Variants in LYPD5 observed in about 807,000 individuals in gnomAD.
LYPD5 encodes the protein ly6/PLAUR domain-containing protein 5.
LYPD5 carries 21 observed loss-of-function variants against 19.1 expected under a neutral mutation model. The ratio of observed to expected loss-of-function variants is 1.10; its 90% CI spans 0.78 to 1.58. The LOEUF (loss-of-function observed/expected upper bound fraction) is 1.58, where lower values mean the gene tolerates loss of function less well. Among genes scored for constraint, LYPD5 ranks in the 40% most tolerant of loss-of-function variants. The pLI, the probability that LYPD5 is intolerant of heterozygous loss-of-function variation, is 0.00. For missense variants in LYPD5, 287 were observed against 329.8 expected, an observed-to-expected ratio of 0.87 and a Z score of 1.00; for synonymous variants, 128 against 142.7, an observed-to-expected ratio of 0.90 and a Z score of 0.74.
intron 1 of LYPD5, chr19:43,815,717 T>G (rs1366814436): frequency 2.5e-6 from 1 of 406,858 alleles, no homozygotes; most frequent in Non-Finnish European, 4.8e-6. Flanking sequence ...CATCTATATA[T>G]ACCCATCTAT....
chr19:43,797,546 G>T lies in LYPD5; in HGVS notation c.*45C>A. On this transcript the variant is annotated 3_prime_UTR_variant, in exon 5 of 5. Transcript: ENST00000377950. ...TATGTGATAGGGGCTGAAGCAGCAA[G>T]AATGAGGTGTGTGAGCCCTGTCCCC... is the stretch of plus-strand genomic sequence containing the variant. 2 of 1,413,942 alleles carry T rather than the reference G, an allele frequency of 1.4e-6. No homozygotes were observed. Among genetic ancestry groups the T allele is most frequent in the Non-Finnish European group, 2.0e-6 (2 of 1,025,452 alleles). 87.6% of individuals were successfully genotyped at this position (1,413,942 alleles called of 1,614,324 possible).
At chr19:43,814,162 CATGTAT>C (rs1452943581) in intron 1 of LYPD5, among the ~76,000 whole-genome samples, 1 of 152,130 alleles carries the variant, frequency 6.6e-6, no homozygotes, top group African/African-American at 2.4e-5. Flanking sequence ...CCCAGGAGCC[CATGTAT>C]ATCTGCACAT....
chr19:43,811,657 G>A (rs2146504996), intron 1 of LYPD5, among the ~76,000 whole-genome samples: 1 of 150,582 alleles, frequency 6.6e-6, no homozygotes, highest in South Asian at 2.1e-4. Flanking sequence ...CTGCCCTCTA[G>A]CCTGGGTGAC....
chr19:43,814,988 A>G (rs1970358778), intron 1 of LYPD5, among the ~76,000 whole-genome samples: 1 of 152,250 alleles, frequency 6.6e-6, no homozygotes, highest in South Asian at 2.1e-4. Context: ...TGCATAATAA[A>G]TGGACTTACT....
upstream of LYPD5, among the ~76,000 whole-genome samples, chr19:43,802,628 T>C (rs1970238342): frequency 6.6e-6 from 1 of 152,074 alleles, no homozygotes; most frequent in South Asian, 2.1e-4. Context: ...TAATTTTGAA[T>C]GATTGGTGTC....
Position 43,796,186 on chromosome 19 carries a change from G to A in LYPD5, c.*1405C>T, listed in dbSNP as rs2146489520. 1 of 152,166 alleles carries A rather than the reference G, an allele frequency of 6.6e-6. No homozygotes were observed. The highest frequency in any genetic ancestry group is 1.9e-4 in the East Asian group (1 of 5,184). The allele number at this position is 152,166 out of a possible 1,614,324, so 9.4% of individuals were successfully genotyped here. A position where few individuals can be genotyped will look rare whatever the true frequency, so the allele number is the denominator to read the frequency against. ...CCCCACCTCCCAGTAATATCACTTT[G>A]GTAATTAGGTTTCAAAAGATGAATT... On this transcript the variant is annotated 3_prime_UTR_variant, in exon 5 of 5. Coordinates refer to ENST00000377950, the MANE Select transcript of LYPD5 (RefSeq NM_001031749.3).
At position 43,797,442 on chromosome 19, in the gene LYPD5, T is replaced by C; in HGVS notation, c.*149A>G. 1.4e-6 allele frequency: 1 copy of C among 700,626 alleles called. No homozygotes were observed. Among genetic ancestry groups the C allele is most frequent in the South Asian group, 1.9e-5 (1 of 54,022 alleles). The allele number at this position is 700,626 out of a possible 1,614,324, so 43.4% of individuals were successfully genotyped here. On this transcript the variant is annotated 3_prime_UTR_variant, in exon 5 of 5. Coordinates refer to ENST00000377950, the MANE Select transcript of LYPD5 (RefSeq NM_001031749.3). ...TCTTCCAGTACTGTTGGCCAGGTTG[T>C]GGGGCACAAGGGCGGGAGAGATGGA...
At chr19:43,798,697 G>T (rs1471860701) in intron 3 of LYPD5, 96 bp from the exon 4 acceptor site, 2 of 1,582,208 alleles carry the variant, frequency 1.3e-6, no homozygotes, top group Non-Finnish European at 1.7e-6. Flanking sequence ...AGCACGTCTC[G>T]GGGGTTGGGA....
intron 1 of LYPD5, among the ~76,000 whole-genome samples, chr19:43,813,266 T>C (rs187396970): frequency 3.1e-4 from 47 of 152,172 alleles, no homozygotes; most frequent in African/African-American, 8.9e-4. Context: ...CCCACAGTAA[T>C]GAGTTTATGC....
Position 43,798,854 on chromosome 19 carries a change from C to A in LYPD5, c.328G>T (p.Ala110Ser), listed in dbSNP as rs1238168566. 5 of 1,610,814 alleles carry A rather than the reference C, an allele frequency of 3.1e-6. No individual in the cohort carries two copies. Among genetic ancestry groups the A allele is most frequent in the South Asian group, 2.2e-5 (2 of 90,386 alleles). Residue 110 changes from alanine (A) to serine (S), a missense_variant, in exon 3 of 5, where the codon GCC (alanine) becomes TCC (serine). Physicochemically the swap from Ala to Ser is moderately conservative, Grantham distance 99. Transcript: ENST00000377950. ...AGGGCGTCATGAGTCATGAGGTGGG[C>A]GTTGCATTTGTCAGTTGTGCAGCCG... ...VRGCTTDKCN[A>S]HLMTHDALPN...
At chr19:43,801,483 A>G (rs2036264698) in intron 1 of LYPD5, among the ~76,000 whole-genome samples, 1 of 152,236 alleles carries the variant, frequency 6.6e-6, no homozygotes, top group South Asian at 2.1e-4. Context: ...CCTGGGCGAC[A>G]GAGCAAGACC....
chr19:43,804,357 G>T (rs1416024180), upstream of LYPD5, among the ~76,000 whole-genome samples: 1 of 151,094 alleles, frequency 6.6e-6, no homozygotes, highest in Non-Finnish European at 1.5e-5. Flanking sequence ...AACATTTGCA[G>T]ACTCAGGAAT....
chr19:43,807,276 C>CTTTTTTTTTTTTTTTT (rs1251451176), upstream of LYPD5, among the ~76,000 whole-genome samples: 3 of 144,092 alleles, frequency 2.1e-5, no homozygotes, highest in Non-Finnish European at 1.5e-5. Flanking sequence ...CTTTTCTTTT[C>CTTTTTTTTTTTTTTTT]TTTTCTTTTT....
At chr19:43,804,962 A>G (rs1970258812), upstream of LYPD5, among the ~76,000 whole-genome samples, 1 of 152,206 alleles carries the variant, frequency 6.6e-6, no homozygotes, top group South Asian at 2.1e-4. Context: ...TGATTCTGGT[A>G]TCATTCAGGT....
chr19:43,820,180 C>T (rs1193258855), intron 1 of LYPD5, among the ~76,000 whole-genome samples: 1 of 152,194 alleles, frequency 6.6e-6, no homozygotes, highest in Non-Finnish European at 1.5e-5. Context: ...GAGAAACACA[C>T]CTGCTGTGTC....
At chr19:43,808,539 A>T (rs939227873) in intron 1 of LYPD5, among the ~76,000 whole-genome samples, 5 of 152,228 alleles carry the variant, frequency 3.3e-5, no homozygotes, top group African/African-American at 1.2e-4. Flanking sequence ...AGAACATGTA[A>T]TTAAAGGGTT....
chr19:43,798,573 G>A lies in LYPD5; in HGVS notation c.399C>T (p.Ala133=). The change falls in exon 4 of 5, where the codon GCC becomes GCT. Residue 133 remains alanine, a synonymous_variant. Transcript: ENST00000377950. ...GGACCCCGATACAGGCGTAGCACTC[G>A]GCGCCGCTGAGCGTCGGCGGGTCGG... is the stretch of plus-strand genomic sequence containing the variant. ...QAPDPPTLSG[A]ECYACIGVHQ... is the part of the protein sequence containing the mutation. The A allele has an allele frequency of 6.2e-7, 1 of 1,611,240 alleles. No individual in the cohort carries two copies. Among genetic ancestry groups the A allele is most frequent in the Non-Finnish European group, 8.5e-7 (1 of 1,180,034 alleles).
upstream of LYPD5, among the ~76,000 whole-genome samples, chr19:43,804,687 G>T (rs1195335724): frequency 6.6e-6 from 1 of 152,030 alleles, no homozygotes; most frequent in Non-Finnish European, 1.5e-5. Context: ...AACCTGTTTT[G>T]CATACAAATT....
rs571088457 is a variant in LYPD5, at chr19:43,799,635, C to T, written c.193+71G>A. The stretch of plus-strand genomic sequence containing the variant: ...TTCATCTTCTACTCAATTCCCCTCC[C>T]TTTCTGCTCCCCTCTCCCCCCTTTT... On this transcript the variant is annotated intron_variant, in intron 2 of 4. Transcript: ENST00000377950. 3 of 1,470,348 alleles carry T rather than the reference C, an allele frequency of 2.0e-6. No individual in the cohort carries two copies. In the East Asian group the frequency reaches 7.1e-5, roughly 35 times the overall value. 91.1% of individuals were successfully genotyped at this position (1,470,348 alleles called of 1,614,324 possible).
Sources: allele counts gnomAD v4.1 joint callset (sites outside exome capture counted in the v4.1 genomes callset), GRCh38; gene constraint gnomAD v4.1.1; transcripts MANE v1.5; gene names NCBI Gene and HGNC (gene_info 2026-07-23, HGNC 2026-07-21).